PLCB1: variants seen among roughly 807,000 people sequenced by gnomAD.
PLCB1 encodes the protein phospholipase C beta 1, also known as 1-phosphatidylinositol 4,5-bisphosphate phosphodiesterase beta-1.
Under a neutral mutation model 161.8 loss-of-function variants are expected in PLCB1, and 46 were observed. That is an observed-to-expected ratio of 0.28 (90% CI 0.22 to 0.36). The LOEUF (loss-of-function observed/expected upper bound fraction) is 0.36. Among genes scored for constraint, PLCB1 ranks in the 10% least tolerant of loss-of-function variants. PLCB1 has a pLI of 1.00. For synonymous variants in PLCB1, 517 were observed against 503.7 expected, an observed-to-expected ratio of 1.03 and a Z score of -0.35; for missense variants, 1,016 against 1,472.5, an observed-to-expected ratio of 0.69 and a Z score of 5.07.
intron 3 of PLCB1, among the ~76,000 whole-genome samples, chr20:8,594,808 A>G (rs1167395006): frequency 6.6e-6 from 1 of 152,200 alleles, no homozygotes; most frequent in African/African-American, 2.4e-5. Context: ...AACCAAGTGT[A>G]CCTTGTCTCC....
At chr20:8,688,678 T>A (rs1400118392) in intron 10 of PLCB1, among the ~76,000 whole-genome samples, 1 of 152,178 alleles carries the variant, frequency 6.6e-6, no homozygotes, top group Non-Finnish European at 1.5e-5. Context: ...TATTTCTGGG[T>A]TCTCTATTCT....
chr20:8,741,319 GTGGA>G (rs369644733), intron 22 of PLCB1, 141 bp from the exon 23 acceptor site: 146 of 600,102 alleles, frequency 2.4e-4, no homozygotes, highest in Middle Eastern at 4.1e-4. Context: ...TAATGACTGG[GTGGA>G]TGGATGGATG....
chr20:8,826,453 G>T (rs549977825), intron 31 of PLCB1, among the ~76,000 whole-genome samples: 3 of 146,432 alleles, frequency 2.0e-5, no homozygotes, highest in African/African-American at 7.5e-5. Context: ...AGGAGATCGC[G>T]CCACTGCACT....
At chr20:8,279,696 C>T (rs1237598363) in intron 2 of PLCB1, among the ~76,000 whole-genome samples, 3 of 152,116 alleles carry the variant, frequency 2.0e-5, no homozygotes, top group African/African-American at 7.2e-5. Flanking sequence ...ACACTATAAA[C>T]GCACTCCACA....
rs918160466 is a variant in PLCB1, at chr20:8,414,355, AAAAC to A, written c.246+42917_246+42920del. Among the ~76,000 whole-genome samples the A allele has an allele frequency of 4.4e-4, 67 of 152,308 alleles. 1 individual carries two copies. Among genetic ancestry groups the A allele is most frequent in the Non-Finnish European group, 3.2e-4 (22 of 68,020 alleles). ...TATCTTCTACAAGAAACAAAAACAAAAAACAAACAAACAAAAACTTGGAAATAAG... is the reference window on the plus strand; with the variant it reads ...TATCTTCTACAAGAAACAAAAACAAAAAACAAACAAAAACTTGGAAATAAG... On this transcript the variant is annotated intron_variant, in intron 3 of 31. Transcript: ENST00000338037.
At chr20:8,735,162 C>G (rs1171017588) in intron 19 of PLCB1, among the ~76,000 whole-genome samples, 1 of 152,154 alleles carries the variant, frequency 6.6e-6, no homozygotes, top group Non-Finnish European at 1.5e-5. Flanking sequence ...TTTTAGAATC[C>G]TTGTCAATTG....
intron 3 of PLCB1, among the ~76,000 whole-genome samples, chr20:8,586,357 T>G (rs971825186): frequency 4.0e-4 from 19 of 47,322 alleles, no homozygotes; most frequent in Admixed American, 8.0e-4. Context: ...TTTATTATGG[T>G]TTTTTTTTTT....
chr20:8,312,863 G>A (rs1186517353), intron 2 of PLCB1, among the ~76,000 whole-genome samples: 1 of 151,924 alleles, frequency 6.6e-6, no homozygotes. Context: ...TAAATCATTG[G>A]TCAGCTCTCC....
intron 2 of PLCB1, among the ~76,000 whole-genome samples, chr20:8,326,958 T>A (rs1349592229): frequency 6.6e-6 from 1 of 152,348 alleles, no homozygotes; most frequent in East Asian, 1.9e-4. Flanking sequence ...CAATCATGAT[T>A]CACTGTAGCC....
chr20:8,201,056 G>T (rs1341408819), intron 2 of PLCB1, among the ~76,000 whole-genome samples: 3 of 151,948 alleles, frequency 2.0e-5, no homozygotes, highest in Non-Finnish European at 2.9e-5. Context: ...TATTTGTAAG[G>T]CAGGCCCACC....
chr20:8,816,960 A>G (rs1985112144), intron 31 of PLCB1, among the ~76,000 whole-genome samples: 1 of 152,148 alleles, frequency 6.6e-6, no homozygotes, highest in Non-Finnish European at 1.5e-5. Context: ...AAAGAAATCC[A>G]ATTCAGGCTA....
chr20:8,220,565 C>T (rs926542136), intron 2 of PLCB1, among the ~76,000 whole-genome samples: 29 of 152,092 alleles, frequency 1.9e-4, no homozygotes, highest in Admixed American at 1.6e-3. Flanking sequence ...CATATAATGG[C>T]GGAGGCCGAG....
chr20:8,304,385 G>T (rs1447987784), intron 2 of PLCB1, among the ~76,000 whole-genome samples: 1 of 151,974 alleles, frequency 6.6e-6, no homozygotes, highest in Admixed American at 6.6e-5. Flanking sequence ...CCCCTTCTAA[G>T]AGAAGCCTGT....
chr20:8,801,505 G>A (rs921979895), intron 31 of PLCB1, among the ~76,000 whole-genome samples: 3 of 152,192 alleles, frequency 2.0e-5, no homozygotes, highest in South Asian at 2.1e-4. Context: ...TGTCTGTTTC[G>A]TTCCCTGACG....
intron 31 of PLCB1, among the ~76,000 whole-genome samples, chr20:8,821,043 G>A (rs1300378093): frequency 1.3e-5 from 2 of 151,960 alleles, no homozygotes; most frequent in Non-Finnish European, 2.9e-5. Context: ...GAAGGAGAGA[G>A]GATTTTATAA....
chr20:8,766,740 G>T (rs1982336178), intron 26 of PLCB1, among the ~76,000 whole-genome samples: 2 of 152,100 alleles, frequency 1.3e-5, no homozygotes, highest in Admixed American at 6.5e-5. Context: ...ATCTCAAATG[G>T]ACATGAGTCA....
chr20:8,571,957 T>C (rs1184379913), intron 3 of PLCB1, among the ~76,000 whole-genome samples: 3 of 152,206 alleles, frequency 2.0e-5, no homozygotes, highest in Non-Finnish European at 2.9e-5. Flanking sequence ...AACACTTTTC[T>C]TTCTTCTGCA....
chr20:8,566,808 C>CTT (rs57718112), intron 3 of PLCB1, among the ~76,000 whole-genome samples: 12 of 130,896 alleles, frequency 9.2e-5, no homozygotes, highest in South Asian at 2.5e-4. Context: ...TAAATCACTT[C>CTT]TTTTTTTTTT....
At chr20:8,516,693 ATATATATATATATATATG>A (rs1482849354) in intron 3 of PLCB1, among the ~76,000 whole-genome samples, 8 of 125,356 alleles carry the variant, frequency 6.4e-5, no homozygotes, top group African/African-American at 1.3e-4. Flanking sequence ...ATATATATAT[ATATATATATATATATATG>A]TATTCCATTT....
Sources: allele counts gnomAD v4.1 joint callset (sites outside exome capture counted in the v4.1 genomes callset), GRCh38; gene constraint gnomAD v4.1.1; transcripts MANE v1.5; gene names NCBI Gene and HGNC (gene_info 2026-07-23, HGNC 2026-07-21).